The following MED9 variants were observed in gnomAD, a reference collection of about 807,000 sequenced individuals.
MED9 encodes mediator of RNA polymerase II transcription subunit 9.
In MED9, 8 loss-of-function variants were observed where a neutral mutation model predicts 13.2. That is an observed-to-expected ratio of 0.61 (90% CI 0.36 to 1.10). The LOEUF (loss-of-function observed/expected upper bound fraction) is 1.10, where lower values mean the gene tolerates loss of function less well. Among genes scored for constraint, MED9 ranks in the 50% least tolerant of loss-of-function variants. The pLI is 0.02. For missense variants in MED9, 180 were observed against 193.4 expected (o/e 0.93, Z 0.41); for synonymous variants, 87 against 82.8 (o/e 1.05, Z -0.28).
chr17:17,483,018 TGTCA>T lies in MED9; in HGVS notation c.224+5756_224+5759del, dbSNP rs1006259218. Reference sequence around the variant, plus strand: ...TTAATTTTTCACCCTTCCTCTTTCTTGTCAGTATTTCCCTGGCCCTTCCTTTCCC... The same window carrying T: ...TTAATTTTTCACCCTTCCTCTTTCTTGTATTTCCCTGGCCCTTCCTTTCCC... On this transcript the variant is annotated intron_variant, in intron 1 of 1. Coordinates refer to ENST00000268711, the MANE Select transcript of MED9 (RefSeq NM_018019.3). The surrounding 1 kb of genome is among the most constrained non-coding windows in gnomAD (Gnocchi z 4.2). Among the ~76,000 whole-genome samples the T allele has an allele frequency of 4.8e-4, 73 of 152,332 alleles. No individual in the cohort carries two copies. The highest frequency in any genetic ancestry group is 1.7e-3 in the African/African-American group (70 of 41,580).
rs1210627017 is a variant in MED9, at chr17:17,483,935, CAAA to C, written c.224+6682_224+6684del. Among the ~76,000 whole-genome samples the C allele has an allele frequency of 1.1e-5, 1 of 95,028 alleles. No homozygotes were observed. Among genetic ancestry groups the C allele is most frequent in the Non-Finnish European group, 2.1e-5 (1 of 46,672 alleles). The allele number at this position is 95,028 out of a possible 152,430, so 62.3% of individuals were successfully genotyped here. ...CTGGCGACAGAGCGAGACTCCATCTCAAAAAAAAAAAAAAGAATGAGGAAAGGG... is the reference window on the plus strand; with the variant it reads ...CTGGCGACAGAGCGAGACTCCATCTCAAAAAAAAAAAGAATGAGGAAAGGG... On this transcript the variant is annotated intron_variant, in intron 1 of 1. Transcript: ENST00000268711. The surrounding 1 kb of genome is among the most constrained non-coding windows in gnomAD (Gnocchi z 4.2).
intron 1 of MED9, among the ~76,000 whole-genome samples, chr17:17,484,269 A>G (rs779266128): frequency 6.6e-6 from 1 of 152,190 alleles, no homozygotes; most frequent in Non-Finnish European, 1.5e-5. Context: ...TTTTAAATTC[A>G]ATGTTTTAAT....
At chr17:17,480,504 G>A (rs1036978247) in intron 1 of MED9, among the ~76,000 whole-genome samples, 6 of 152,166 alleles carry the variant, frequency 3.9e-5, no homozygotes, top group Non-Finnish European at 2.9e-5. Context: ...AGAAAGACAC[G>A]GGTCAGGCGC....
chr17:17,485,235 C>A, intron 1 of MED9: 1 of 396,634 alleles, frequency 2.5e-6, no homozygotes, highest in South Asian at 1.3e-4. Flanking sequence ...TCGTCTCTGT[C>A]TACAGGCACA....
chr17:17,477,420 C>A, intron 1 of MED9, 155 bp downstream of exon 1: 1 of 768,676 alleles, frequency 1.3e-6, no homozygotes, highest in Non-Finnish European at 2.0e-6. Context: ...TTCCCAAGAC[C>A]ACAGAGACAT....
Position 17,483,759 on chromosome 17 carries a change from A to G in MED9, c.224+6494A>G, listed in dbSNP as rs944349683. 1.3e-5 allele frequency among the ~76,000 whole-genome samples: 2 copies of G among 152,132 alleles called. No individual in the cohort carries two copies. The highest frequency in any genetic ancestry group is 2.9e-5 in the Non-Finnish European group (2 of 68,028). On this transcript the variant is annotated intron_variant, in intron 1 of 1. Transcript: ENST00000268711. The surrounding 1 kb of genome is among the most constrained non-coding windows in gnomAD (Gnocchi z 4.2). ...CGAGACCATCCTGGCCAACACGGTG[A>G]AACCCTGTCTCTGCTAAAAATACAA...
chr17:17,488,114 C>T (rs1905169228), intron 1 of MED9: 1 of 152,154 alleles, frequency 6.6e-6, no homozygotes, highest in African/African-American at 2.4e-5. Flanking sequence ...AAATGAAAGC[C>T]ACTGGAGTTA....
rs1171435608 is a variant in MED9, at chr17:17,492,329, C to CT, written c.*836dup. On this transcript the variant is annotated 3_prime_UTR_variant, in exon 2 of 2. Coordinates refer to ENST00000268711, the MANE Select transcript of MED9 (RefSeq NM_018019.3). ...AGAAGAGGTCTTCAGGCGAACCGACCTTCCCCCTTCTGGCATTTCAGATTC... is the reference window on the plus strand; with the variant it reads ...AGAAGAGGTCTTCAGGCGAACCGACCTTTCCCCCTTCTGGCATTTCAGATTC... 7 of 152,460 alleles carry CT rather than the reference C, an allele frequency of 4.6e-5. No individual in the cohort carries two copies. The highest frequency in any genetic ancestry group is 3.4e-3 in the Middle Eastern group (1 of 298). 9.4% of individuals were successfully genotyped at this position (152,460 alleles called of 1,614,324 possible). A position where few individuals can be genotyped will look rare whatever the true frequency, so the allele number is the denominator to read the frequency against.
At position 17,491,832 on chromosome 17, in the gene MED9, T is replaced by G. The variant is rs1905239870; in HGVS notation, c.*337T>G. 2.7e-6 allele frequency: 1 copy of G among 364,264 alleles called. No homozygotes were observed. The highest frequency in any genetic ancestry group is 2.1e-5 in the African/African-American group (1 of 47,740). 22.6% of individuals were successfully genotyped at this position (364,264 alleles called of 1,614,324 possible). On this transcript the variant is annotated 3_prime_UTR_variant, in exon 2 of 2. Transcript: ENST00000268711. ...GGCCATCTGCTGCGCCCGGCCCCAC[T>G]GACAGATCTGAAGAGCACAGTAGGA...
chr17:17,490,234 A>G (rs1163079088), intron 1 of MED9, among the ~76,000 whole-genome samples: 3 of 152,206 alleles, frequency 2.0e-5, no homozygotes, highest in Non-Finnish European at 4.4e-5. Context: ...TCAGGAGTTC[A>G]AGACCAGCCT....
intron 1 of MED9, 190 bp downstream of exon 1, chr17:17,477,455 A>C (rs958311734): frequency 1.6e-6 from 1 of 606,244 alleles, no homozygotes; most frequent in African/African-American, 1.9e-5. Context: ...AAACGATTTG[A>C]GCCTCGAGAG....
In MED9 at chr17:17,491,604, T is replaced by G; in HGVS notation, c.*109T>G. The G allele has an allele frequency of 8.3e-6, 9 of 1,087,380 alleles. No individual in the cohort carries two copies. Among genetic ancestry groups the G allele is most frequent in the Non-Finnish European group, 1.2e-5 (9 of 743,180 alleles). 67.4% of individuals were successfully genotyped at this position (1,087,380 alleles called of 1,614,324 possible). On this transcript the variant is annotated 3_prime_UTR_variant, in exon 2 of 2. Transcript: ENST00000268711. ...TTCCTGTGGACCCCAGCTCAGCTCG[T>G]CAAGCTGCAGGGGCGGGGCTCCTGT...
At chr17:17,487,814 ATG>A (rs1307855846) in intron 1 of MED9, 2 of 152,324 alleles carry the variant, frequency 1.3e-5, no homozygotes, top group African/African-American at 4.8e-5. Context: ...CTAATTGTAT[ATG>A]TGTTAACATG....
chr17:17,477,621 A>G, intron 1 of MED9: 1 of 209,086 alleles, frequency 4.8e-6, no homozygotes, highest in Non-Finnish European at 9.5e-6. Flanking sequence ...TTAGTTCCTT[A>G]GTTCAGCAAA....
chr17:17,477,522 G>A, intron 1 of MED9: 3 of 470,510 alleles, frequency 6.4e-6, no homozygotes, highest in Non-Finnish European at 1.1e-5. Context: ...CTCTTGTCCA[G>A]CGGCTCAAAT....
At chr17:17,485,227 GTC>G in intron 1 of MED9, 1 of 393,996 alleles carries the variant, frequency 2.5e-6, no homozygotes, top group Non-Finnish European at 4.5e-6. Context: ...ACAGGGTTTC[GTC>G]TCTGTCTACA....
At chr17:17,485,261 G>A in intron 1 of MED9, 1 of 397,660 alleles carries the variant, frequency 2.5e-6, no homozygotes. Flanking sequence ...CCACGCCTTT[G>A]TAAAAATACA....
Position 17,492,074 on chromosome 17 carries a change from C to T in MED9, c.*579C>T, listed in dbSNP as rs942298738. ...GCCTTTTTCCCCAAACAGTTTGGTT[C>T]CTTTTATGTTTGAGCCAGTGAAGGG... is the stretch of plus-strand genomic sequence containing the variant. On this transcript the variant is annotated 3_prime_UTR_variant, in exon 2 of 2. Transcript: ENST00000268711. 3 of 158,022 alleles carry T rather than the reference C, an allele frequency of 1.9e-5. No homozygotes were observed. Among genetic ancestry groups the T allele is most frequent in the African/African-American group, 7.2e-5 (3 of 41,474 alleles). The allele number at this position is 158,022 out of a possible 1,614,324, so 9.8% of individuals were successfully genotyped here.
intron 1 of MED9, among the ~76,000 whole-genome samples, chr17:17,490,390 C>G (rs1004751915): frequency 5.3e-5 from 8 of 152,198 alleles, no homozygotes; most frequent in African/African-American, 1.9e-4. Context: ...TGCAGTGAGC[C>G]GAGATCGCAC....
Sources: allele counts gnomAD v4.1 joint callset (sites outside exome capture counted in the v4.1 genomes callset), GRCh38; gene constraint gnomAD v4.1.1; non-coding constraint Gnocchi (gnomAD v3.1); transcripts MANE v1.5; gene names NCBI Gene and HGNC (gene_info 2026-07-23, HGNC 2026-07-21).